The following RIMS1 variants were observed in gnomAD, a reference collection of about 807,000 sequenced individuals.
RIMS1 encodes the protein regulating synaptic membrane exocytosis protein 1.
RIMS1 carries 83 observed loss-of-function variants against 214.1 expected under a neutral mutation model. The ratio of observed to expected loss-of-function variants is 0.39; its 90% confidence interval spans 0.32 to 0.47. The LOEUF is 0.47. RIMS1 is among the 20% of genes least tolerant of loss of function. The probability of loss-of-function intolerance (pLI) is 0.99; values close to 1 mark genes in which losing one functional copy is unlikely to be tolerated. For synonymous variants in RIMS1, 793 were observed against 786.8 expected (o/e 1.01, Z -0.13); for missense variants, 2,050 against 2,161.8 (o/e 0.95, Z 1.03).
At chr6:71,958,410 C>T (rs190653020) in intron 1 of RIMS1, among the ~76,000 whole-genome samples, 3 of 152,150 alleles carry the variant, frequency 2.0e-5, no homozygotes, top group Admixed American at 6.6e-5. Flanking sequence ...TATATAAGAA[C>T]GTGTGCTTCC....
At chr6:72,375,980 G>T (rs895605527) in intron 29 of RIMS1, among the ~76,000 whole-genome samples, 1 of 152,162 alleles carries the variant, frequency 6.6e-6, no homozygotes, top group African/African-American at 2.4e-5. Context: ...AAATGCAAGA[G>T]AAAAGAGATG....
At chr6:71,934,098 G>A (rs1048360896) in intron 1 of RIMS1, among the ~76,000 whole-genome samples, 3 of 152,116 alleles carry the variant, frequency 2.0e-5, no homozygotes, top group Admixed American at 6.5e-5. Flanking sequence ...GAAGATCCGG[G>A]ATGTGGGAGT....
chr6:72,040,078 A>T (rs965951245), intron 2 of RIMS1, among the ~76,000 whole-genome samples: 6 of 152,078 alleles, frequency 3.9e-5, no homozygotes, highest in Non-Finnish European at 7.4e-5. Context: ...AACACAAAAA[A>T]TTTTTTAAAT....
intron 28 of RIMS1, among the ~76,000 whole-genome samples, chr6:72,318,036 C>A (rs2095908664): frequency 6.6e-6 from 1 of 152,084 alleles, no homozygotes. Context: ...CATGATAACA[C>A]AAGCTATTTT....
At chr6:72,232,744 A>G (rs1312067654) in intron 6 of RIMS1, among the ~76,000 whole-genome samples, 1 of 151,704 alleles carries the variant, frequency 6.6e-6, no homozygotes, top group East Asian at 1.9e-4. Flanking sequence ...AAGTGTATGG[A>G]ATTGAAGTGC....
At chr6:72,380,637 A>G (rs1418626327) in intron 29 of RIMS1, among the ~76,000 whole-genome samples, 3 of 152,200 alleles carry the variant, frequency 2.0e-5, no homozygotes, top group African/African-American at 7.2e-5. Context: ...CTGAGCCTTT[A>G]TCTTCCTGTT....
At chr6:72,263,319 A>G (rs978387127) in intron 19 of RIMS1, 7 of 985,204 alleles carry the variant, frequency 7.1e-6, no homozygotes, top group Middle Eastern at 5.2e-4. Flanking sequence ...AGAAAATGCT[A>G]TAGTTGCCTT....
chr6:72,111,915 A>G (rs934256817), intron 4 of RIMS1, among the ~76,000 whole-genome samples: 3 of 152,118 alleles, frequency 2.0e-5, no homozygotes, highest in Admixed American at 6.6e-5. Flanking sequence ...TGAACTTCCA[A>G]GTATCTATAA....
At chr6:72,092,794 C>T (rs1344623810) in intron 2 of RIMS1, among the ~76,000 whole-genome samples, 1 of 152,086 alleles carries the variant, frequency 6.6e-6, no homozygotes, top group Non-Finnish European at 1.5e-5. Context: ...GGCTGTCTTC[C>T]TTAGGACCTA....
chr6:72,250,245 T>C, intron 12 of RIMS1, 85 bp from the exon 13 acceptor site: 1 of 1,321,032 alleles, frequency 7.6e-7, no homozygotes, highest in Non-Finnish European at 1.0e-6. Context: ...AATTTCCTCA[T>C]TTAAATATAA....
intron 4 of RIMS1, among the ~76,000 whole-genome samples, chr6:72,138,651 T>A (rs2041689988): frequency 6.6e-6 from 1 of 151,938 alleles, no homozygotes; most frequent in South Asian, 2.1e-4. Context: ...CACTCTTAAA[T>A]AAAAAATAAT....
At chr6:71,953,243 CT>C (rs1287609551) in intron 1 of RIMS1, among the ~76,000 whole-genome samples, 9 of 152,148 alleles carry the variant, frequency 5.9e-5, no homozygotes, top group African/African-American at 2.2e-4. Context: ...CCCGCGTTAA[CT>C]TCCCAAAGTT....
chr6:71,960,865 T>TAG (rs1181888988), intron 1 of RIMS1, among the ~76,000 whole-genome samples: 3 of 151,994 alleles, frequency 2.0e-5, no homozygotes, highest in Admixed American at 2.0e-4. Context: ...GCGCTTCCTG[T>TAG]AGAGAAGCTG....
intron 2 of RIMS1, among the ~76,000 whole-genome samples, chr6:72,080,366 T>G (rs896948031): frequency 5.3e-5 from 8 of 152,166 alleles, no homozygotes; most frequent in Non-Finnish European, 1.2e-4. Context: ...AGAAGGAAGA[T>G]GTAACTGAAC....
intron 1 of RIMS1, among the ~76,000 whole-genome samples, chr6:71,902,237 T>C (rs1773869431): frequency 1.3e-5 from 2 of 152,056 alleles, no homozygotes; most frequent in South Asian, 2.1e-4. Flanking sequence ...GCTCATCTTT[T>C]GAGAGTGAGG....
At chr6:72,210,963 T>G (rs1243457138) in intron 6 of RIMS1, among the ~76,000 whole-genome samples, 1 of 152,192 alleles carries the variant, frequency 6.6e-6, no homozygotes, top group Non-Finnish European at 1.5e-5. Context: ...CAAGGCCGAC[T>G]GTCCCTTGAA....
At chr6:71,956,268 A>G (rs896806216) in intron 1 of RIMS1, among the ~76,000 whole-genome samples, 2 of 152,120 alleles carry the variant, frequency 1.3e-5, no homozygotes, top group Non-Finnish European at 2.9e-5. Flanking sequence ...TTGTATTGTT[A>G]GGTTTTAATC....
intron 29 of RIMS1, among the ~76,000 whole-genome samples, chr6:72,348,629 G>A (rs2154366769): frequency 6.6e-6 from 1 of 151,844 alleles, no homozygotes; most frequent in African/African-American, 2.4e-5. Flanking sequence ...TTGTTACATG[G>A]ATAAATTGCC....
Position 72,290,756 on chromosome 6 carries a change from A to T in RIMS1, c.3632A>T (p.His1211Leu). 1 of 1,613,804 alleles carries T rather than the reference A, an allele frequency of 6.2e-7. No individual in the cohort carries two copies. Among genetic ancestry groups the T allele is most frequent in the Non-Finnish European group, 8.5e-7 (1 of 1,179,764 alleles). Reference sequence around the variant, plus strand: ...GATCAGCCAGTCATTAGGGGAAAACATCCTGCTCGCTCAAGGTCGAGTGAG... The same window carrying T: ...GATCAGCCAGTCATTAGGGGAAAACTTCCTGCTCGCTCAAGGTCGAGTGAG... ...ATDQPVIRGKHPARSRSSEHS... is the reference protein window; with the variant it reads ...ATDQPVIRGKLPARSRSSEHS... Residue 1211 changes from histidine to leucine, a missense_variant, in exon 25 of 34, where the codon CAT becomes CTT. Physicochemically the swap from His to Leu is moderately conservative, Grantham distance 99. Transcript: ENST00000521978.
Sources: gnomAD v4.1 joint callset for allele counts (sites outside exome capture counted in the v4.1 genomes callset) on GRCh38, gnomAD v4.1.1 for gene constraint, MANE v1.5 for transcripts, NCBI Gene and HGNC (gene_info 2026-07-23, HGNC 2026-07-21) for gene names.